TP63: variants seen among roughly 807,000 people sequenced by gnomAD.
TP63 encodes the protein tumor protein 63.
In TP63, 17 loss-of-function variants were observed where a neutral mutation model predicts 82.8. The ratio of observed to expected loss-of-function variants is 0.21; its 90% CI spans 0.14 to 0.31. The LOEUF (loss-of-function observed/expected upper bound fraction) is 0.31, where lower values mean the gene tolerates loss of function less well. TP63 is among the 10% of genes least tolerant of loss of function. The pLI, the probability that TP63 is intolerant of heterozygous loss-of-function variation, is 1.00. For synonymous variants in TP63, 330 were observed against 321.7 expected (o/e 1.03, Z -0.28); for missense variants, 648 against 895.3 (o/e 0.72, Z 3.52).
intron 3 of TP63, among the ~76,000 whole-genome samples, chr3:189,755,886 T>C (rs1722151243): frequency 6.6e-6 from 1 of 152,176 alleles, no homozygotes; most frequent in South Asian, 2.1e-4. Context: ...CAAATTGCAA[T>C]AGTGTCTCTC....
At chr3:189,863,758 C>T (rs945321016) in intron 4 of TP63, among the ~76,000 whole-genome samples, 5 of 151,964 alleles carry the variant, frequency 3.3e-5, no homozygotes, top group Admixed American at 6.6e-5. Context: ...AAAAAAATCC[C>T]ATGAACCCTA....
chr3:189,808,225 T>C (rs2108636830), intron 3 of TP63, 47 bp from the exon 4 acceptor site: 1 of 1,614,224 alleles, frequency 6.2e-7, no homozygotes, highest in East Asian at 2.2e-5. Context: ...GGAGCAATGA[T>C]CCGTGGCTTC....
intron 4 of TP63, among the ~76,000 whole-genome samples, chr3:189,835,960 T>G: frequency 8.1e-6 from 1 of 123,672 alleles, no homozygotes; most frequent in African/African-American, 2.7e-5. Context: ...ATAATAATAA[T>G]AATAATAATG....
chr3:189,878,664 T>C (rs1442605344), intron 10 of TP63, among the ~76,000 whole-genome samples: 2 of 151,676 alleles, frequency 1.3e-5, no homozygotes, highest in Admixed American at 6.6e-5. Context: ...CCTGACGTTG[T>C]GATCCCCCCG....
At chr3:189,716,714 G>A (rs1234687860) in intron 1 of TP63, among the ~76,000 whole-genome samples, 1 of 152,012 alleles carries the variant, frequency 6.6e-6, no homozygotes, top group Non-Finnish European at 1.5e-5. Flanking sequence ...TTTGGCACTA[G>A]TCTATCTTAT....
Position 189,894,545 on chromosome 3 carries a change from G to A in TP63, c.*43G>A, listed in dbSNP as rs1216243923. The stretch of plus-strand genomic sequence containing the variant: ...CTTCCTATCCCTCTCCTAACTGCCA[G>A]CCCCCTAAAAGCACTCCTGCTTAAT... On this transcript the variant is annotated 3_prime_UTR_variant, in exon 14 of 14. Coordinates refer to ENST00000264731, the MANE Select transcript of TP63 (RefSeq NM_003722.5). 5 of 1,607,198 alleles carry A rather than the reference G, an allele frequency of 3.1e-6. No homozygotes were observed. The East Asian group carries it at 1.1e-4, about 36-fold the overall frequency.
intron 1 of TP63, among the ~76,000 whole-genome samples, chr3:189,734,935 G>T (rs1381967360): frequency 1.4e-5 from 2 of 144,724 alleles, no homozygotes; most frequent in Non-Finnish European, 3.0e-5. Context: ...CATAATTCAG[G>T]TTCTTCTAAT....
intron 4 of TP63, among the ~76,000 whole-genome samples, chr3:189,855,995 C>A (rs946689214): frequency 6.6e-6 from 1 of 151,556 alleles, no homozygotes; most frequent in Non-Finnish European, 1.5e-5. Context: ...TGCTATCCAC[C>A]CAAAGAGCTG....
intron 4 of TP63, among the ~76,000 whole-genome samples, chr3:189,862,115 G>A (rs2108791016): frequency 6.6e-6 from 1 of 152,232 alleles, no homozygotes; most frequent in South Asian, 2.1e-4. Context: ...ATCTTATGGT[G>A]CTACCCTAAA....
intron 1 of TP63, among the ~76,000 whole-genome samples, chr3:189,642,240 G>A (rs539933850): frequency 9.2e-5 from 14 of 152,084 alleles, no homozygotes; most frequent in Non-Finnish European, 1.6e-4. Flanking sequence ...TATTAACTAC[G>A]GAAACCACAA....
At chr3:189,645,249 G>C (rs531630619) in intron 1 of TP63, 1 of 300,600 alleles carries the variant, frequency 3.3e-6, no homozygotes, top group African/African-American at 2.2e-5. Flanking sequence ...CAAAATATTC[G>C]TACAGTATTC....
chr3:189,864,465 A>G (rs1717440968), intron 5 of TP63, 47 bp downstream of exon 5: 1 of 1,576,178 alleles, frequency 6.3e-7, no homozygotes, highest in Non-Finnish European at 8.6e-7. Flanking sequence ...TTGAAGGTCA[A>G]GATTCTGTGG....
intron 10 of TP63, chr3:189,881,025 A>G: frequency 1.0e-6 from 1 of 985,402 alleles, no homozygotes; most frequent in East Asian, 1.1e-4. Context: ...GCCCTTACGT[A>G]GTTGTTTACC....
chr3:189,679,488 C>A (rs1007825275), intron 1 of TP63, among the ~76,000 whole-genome samples: 11 of 151,874 alleles, frequency 7.2e-5, no homozygotes. Flanking sequence ...TATTTGTTTT[C>A]TTGCAATTGA....
intron 3 of TP63, among the ~76,000 whole-genome samples, chr3:189,797,842 A>G (rs1230160604): frequency 6.6e-6 from 1 of 151,926 alleles, no homozygotes; most frequent in Non-Finnish European, 1.5e-5. Flanking sequence ...CTTTGCTCCA[A>G]CACCTCACCC....
At chr3:189,746,139 TTC>T (rs1342194724) in intron 3 of TP63, among the ~76,000 whole-genome samples, 2 of 151,960 alleles carry the variant, frequency 1.3e-5, no homozygotes, top group Non-Finnish European at 2.9e-5. Flanking sequence ...AGGCAAAGAA[TTC>T]TAAAAGCAGC....
chr3:189,886,573 T>A, intron 11 of TP63, 22 bp downstream of exon 11: 1 of 1,613,496 alleles, frequency 6.2e-7, no homozygotes, highest in Admixed American at 1.7e-5. Context: ...TCCTTTTAGC[T>A]GTGGCTGAAG....
intron 10 of TP63, chr3:189,880,755 C>A (rs1476532158): frequency 1.0e-6 from 1 of 985,222 alleles, no homozygotes; most frequent in Non-Finnish European, 1.2e-6. Flanking sequence ...GTGATCATTA[C>A]CAAAAGTAAT....
At chr3:189,860,996 C>G (rs1278579758) in intron 4 of TP63, among the ~76,000 whole-genome samples, 1 of 152,170 alleles carries the variant, frequency 6.6e-6, no homozygotes, top group African/African-American at 2.4e-5. Flanking sequence ...CCCGCATCCC[C>G]TCCTACCTTC....
Sources: gnomAD v4.1 joint callset for allele counts (sites outside exome capture counted in the v4.1 genomes callset) on GRCh38, gnomAD v4.1.1 for gene constraint, MANE v1.5 for transcripts, NCBI Gene and HGNC (gene_info 2026-07-23, HGNC 2026-07-21) for gene names.